Variants in LOC122539214 observed in about 807,000 individuals in gnomAD.
At chr19:52,663,599 A>G in the LOC122539214 span, among the ~76,000 whole-genome samples, 2,912 of 152,258 alleles carry the variant, frequency 0.019, 51 homozygotes, top group Middle Eastern at 0.051. Context: ...GTAAAGAAAA[A>G]ATTTCCTTGA....
At chr19:52,652,205 G>A in the LOC122539214 span, 52 of 216,402 alleles carry the variant, frequency 2.4e-4, no homozygotes, top group South Asian at 2.7e-3. Flanking sequence ...TTGGGAGGCC[G>A]AGGCAGGCGG....
the LOC122539214 span, among the ~76,000 whole-genome samples, chr19:52,664,657 T>C: frequency 6.9e-6 from 1 of 144,058 alleles, no homozygotes; most frequent in Non-Finnish European, 1.5e-5. Context: ...CCCCAGGAGG[T>C]GAGCCGGGCC....
the LOC122539214 span, among the ~76,000 whole-genome samples, chr19:52,688,400 C>T: frequency 6.6e-6 from 1 of 151,594 alleles, no homozygotes; most frequent in Non-Finnish European, 1.5e-5. Flanking sequence ...TCTAGAACTC[C>T]TGGACTCAAG....
the LOC122539214 span, among the ~76,000 whole-genome samples, chr19:52,690,066 C>G: frequency 6.6e-6 from 1 of 151,862 alleles, no homozygotes; most frequent in African/African-American, 2.4e-5. Flanking sequence ...GGGGCCGCGG[C>G]GCTGCGCTTC....
the LOC122539214 span, among the ~76,000 whole-genome samples, chr19:52,673,980 C>T: frequency 1.4e-5 from 2 of 146,998 alleles, no homozygotes; most frequent in Non-Finnish European, 3.0e-5. Flanking sequence ...CATGCCACTG[C>T]CCTGCAGCCT....
chr19:52,681,774 G>T, the LOC122539214 span, among the ~76,000 whole-genome samples: 1 of 152,134 alleles, frequency 6.6e-6, no homozygotes, highest in African/African-American at 2.4e-5. Context: ...TAGGTTCAAG[G>T]GTAAGAACAT....
At chr19:52,664,036 C>T in the LOC122539214 span, among the ~76,000 whole-genome samples, 2 of 152,192 alleles carry the variant, frequency 1.3e-5, no homozygotes, top group African/African-American at 2.4e-5. Flanking sequence ...AGGCAAGCAT[C>T]ACCATGCTCA....
chr19:52,677,322 A>T, the LOC122539214 span, among the ~76,000 whole-genome samples: 1 of 147,932 alleles, frequency 6.8e-6, no homozygotes, highest in African/African-American at 2.5e-5. Flanking sequence ...AAAAAAAAAA[A>T]AAAAAAAACA....
At chr19:52,659,417 A>G in the LOC122539214 span, among the ~76,000 whole-genome samples, 32 of 152,318 alleles carry the variant, frequency 2.1e-4, no homozygotes, top group Non-Finnish European at 4.4e-4. Context: ...TCAGCTCAAC[A>G]GAAACGGTAT....
chr19:52,672,544 T>C, the LOC122539214 span, among the ~76,000 whole-genome samples: 1 of 152,218 alleles, frequency 6.6e-6, no homozygotes, highest in Non-Finnish European at 1.5e-5. Context: ...GCCCAACAGT[T>C]GGAGTCCAGC....
the LOC122539214 span, among the ~76,000 whole-genome samples, chr19:52,683,796 T>A: frequency 8.5e-5 from 13 of 152,134 alleles, no homozygotes; most frequent in African/African-American, 2.9e-4. Flanking sequence ...ATCCTCACAT[T>A]TGCCCCAGCC....
chr19:52,677,816 G>A, the LOC122539214 span, among the ~76,000 whole-genome samples: 2 of 152,106 alleles, frequency 1.3e-5, no homozygotes, highest in Admixed American at 1.3e-4. Flanking sequence ...GGTGGATCAT[G>A]AGGTCAGGAG....
chr19:52,652,364 G>A, the LOC122539214 span: 42 of 314,952 alleles, frequency 1.3e-4, no homozygotes, highest in African/African-American at 8.7e-4. Context: ...GAACCTGGGA[G>A]GTGGAGGTTG....
chr19:52,677,320 A>C, the LOC122539214 span, among the ~76,000 whole-genome samples: 7 of 125,432 alleles, frequency 5.6e-5, no homozygotes, highest in East Asian at 2.2e-4. Flanking sequence ...AAAAAAAAAA[A>C]AAAAAAAAAA....
At chr19:52,660,735 A>G in the LOC122539214 span, 1 of 201,038 alleles carries the variant, frequency 5.0e-6, no homozygotes, top group South Asian at 1.0e-4. Context: ...AAGAGAGAGA[A>G]GAATCCACTG....
chr19:52,687,738 T>C, the LOC122539214 span, among the ~76,000 whole-genome samples: 1 of 144,192 alleles, frequency 6.9e-6, no homozygotes, highest in Admixed American at 7.4e-5. Context: ...GGTAGGAGGA[T>C]CACTTGACCC....
the LOC122539214 span, among the ~76,000 whole-genome samples, chr19:52,677,327 A>C: frequency 2.6e-5 from 3 of 116,430 alleles, no homozygotes; most frequent in Non-Finnish European, 5.6e-5. Context: ...AAAAAAAAAA[A>C]AAACAAAAAT....
At chr19:52,683,528 A>ACCCTCTCTCTG in the LOC122539214 span, among the ~76,000 whole-genome samples, 2 of 82,686 alleles carry the variant, frequency 2.4e-5, no homozygotes, top group African/African-American at 7.5e-5. Context: ...ATCCAAAGGG[A>ACCCTCTCTCTG]AGGGCAAAGT....
At chr19:52,653,240 C>T in the LOC122539214 span, 1 of 1,533,406 alleles carries the variant, frequency 6.5e-7, no homozygotes, top group Non-Finnish European at 9.0e-7. Flanking sequence ...TAAGGTTTCT[C>T]TCCAGTATGA....
Sources: gnomAD v4.1 joint callset for allele counts (sites outside exome capture counted in the v4.1 genomes callset) on GRCh38, gnomAD v4.1.1 for gene constraint, MANE v1.5 for transcripts.